Variants in PRDM15 observed in about 807,000 individuals in gnomAD.
PRDM15 encodes the protein PR domain zinc finger protein 15.
A neutral mutation model predicts 128.6 loss-of-function variants in PRDM15; 64 were observed. The observed-to-expected ratio is 0.50, with a 90% confidence interval of 0.41 to 0.61. PRDM15 has a LOEUF of 0.61. Ranked by LOEUF, PRDM15 falls within the 20% of genes least tolerant of loss-of-function variation. The pLI is 0.00. For missense variants in PRDM15, 1,242 were observed against 1,569.1 expected (o/e 0.79, Z 3.52); for synonymous variants, 615 against 621.8 (o/e 0.99, Z 0.16).
At position 41,862,092 on chromosome 21, in the gene PRDM15, A is replaced by G; in HGVS notation, c.-9-1720T>C. 1.0e-6 allele frequency: 1 copy of G among 963,538 alleles called. No individual in the cohort carries two copies. Among genetic ancestry groups the G allele is most frequent in the Non-Finnish European group, 1.6e-6 (1 of 609,886 alleles). The allele number at this position is 963,538 out of a possible 1,614,324, so 59.7% of individuals were successfully genotyped here. On this transcript the variant is annotated intron_variant, in intron 1 of 23. Transcript: ENST00000398548. This position sits in a 1 kb window ranked among gnomAD's most constrained non-coding sequence, Gnocchi z 4.1. Reference sequence around the variant, plus strand: ...AGTGAGCAGGAGATGAACAGGACAAAGGGCAGAAGAAACCCAGAGTGGGGT... The same window carrying G: ...AGTGAGCAGGAGATGAACAGGACAAGGGGCAGAAGAAACCCAGAGTGGGGT...
chr21:41,873,211 G>C (rs528572563), intron 1 of PRDM15, among the ~76,000 whole-genome samples: 1 of 152,262 alleles, frequency 6.6e-6, no homozygotes, highest in East Asian at 1.9e-4. Context: ...CCTGAGCCTC[G>C]TTGCTCCCCT....
chr21:41,810,301 G>A lies in PRDM15; in HGVS notation c.2505C>T (p.Cys835=), dbSNP rs143717672. ...TVGKQWTCSV[C]DKKYVTEYML... is the part of the protein sequence containing the mutation. ...TGTACTCGGTCACGTACTTCTTGTC[G>A]CACACGGAGCACGTCCACTGCTTGC... Residue 835 remains cysteine, a synonymous_variant, in exon 21 of 24, where the codon TGC becomes TGT. Coordinates refer to ENST00000398548, the MANE Select transcript of PRDM15 (RefSeq NM_001040424.3). This position sits in a 1 kb window ranked among gnomAD's most constrained non-coding sequence, Gnocchi z 6.4. 2.0e-5 allele frequency: 32 copies of A among 1,613,296 alleles called. No individual in the cohort carries two copies. Among genetic ancestry groups the A allele is most frequent in the African/African-American group, 1.5e-4 (11 of 75,016 alleles).
intron 19 of PRDM15, chr21:41,812,263 A>G (rs567013994): frequency 1.3e-5 from 2 of 152,326 alleles, no homozygotes; most frequent in South Asian, 4.1e-4. Flanking sequence ...AAACTCATAG[A>G]CAGAAAAACA....
intron 11 of PRDM15, among the ~76,000 whole-genome samples, chr21:41,829,276 T>C (rs1190502263): frequency 1.5e-5 from 2 of 132,520 alleles, no homozygotes; most frequent in African/African-American, 3.1e-5. Flanking sequence ...CACACACACA[T>C]GCCCCACACA....
At position 41,862,024 on chromosome 21, in the gene PRDM15, C is replaced by T. The variant is rs1412278243; in HGVS notation, c.-9-1652G>A. 9.4e-6 allele frequency: 15 copies of T among 1,598,478 alleles called. No homozygotes were observed. The highest frequency in any genetic ancestry group is 2.2e-5 in the East Asian group (1 of 44,744). ...CCCCAGTTCCTGTGGATGGGCACCT[C>T]GGCGCAAATAGGGACCAGTCTGGGA... On this transcript the variant is annotated intron_variant, in intron 1 of 23. Transcript: ENST00000398548. The surrounding 1 kb of genome is among the most constrained non-coding windows in gnomAD (Gnocchi z 4.1).
At chr21:41,835,708 G>A (rs1314709473) in intron 10 of PRDM15, among the ~76,000 whole-genome samples, 184 bp from the exon 11 acceptor site, 1 of 152,100 alleles carries the variant, frequency 6.6e-6, no homozygotes, top group African/African-American at 2.4e-5. Context: ...CCCTAGAAAG[G>A]GAACTCCACA....
intron 18 of PRDM15, among the ~76,000 whole-genome samples, chr21:41,818,239 C>A (rs1281286086): frequency 6.6e-6 from 1 of 152,226 alleles, no homozygotes; most frequent in Non-Finnish European, 1.5e-5. Context: ...GCCAGCCTGT[C>A]CCGCTAAGGC....
chr21:41,809,875 G>C (rs1037552804), intron 21 of PRDM15, among the ~76,000 whole-genome samples: 11 of 152,304 alleles, frequency 7.2e-5, no homozygotes, highest in Middle Eastern at 3.4e-3. Flanking sequence ...GGGAAGAATG[G>C]GGGGAGTGGC....
intron 12 of PRDM15, 143 bp from the exon 13 acceptor site, chr21:41,826,197 A>G (rs2062465539): frequency 1.6e-6 from 1 of 640,836 alleles, no homozygotes. Context: ...TGGCAGTTTA[A>G]GTAACATCAC....
At chr21:41,861,941 A>ATC (rs745634465) in intron 1 of PRDM15, 1 of 1,614,066 alleles carries the variant, frequency 6.2e-7, no homozygotes, top group African/African-American at 1.3e-5. Context: ...GTTCAAAGGT[A>ATC]TCTCGTGCGG....
At chr21:41,861,648 T>C in intron 1 of PRDM15, 1 of 1,614,124 alleles carries the variant, frequency 6.2e-7, no homozygotes, top group Non-Finnish European at 8.5e-7. Flanking sequence ...TCTTGAATGC[T>C]GATTCCACAC....
intron 2 of PRDM15, among the ~76,000 whole-genome samples, chr21:41,860,115 T>A (rs2063765511): frequency 6.6e-6 from 1 of 152,154 alleles, no homozygotes; most frequent in Admixed American, 6.5e-5. Context: ...CGGCCAGGAG[T>A]TCTGAGAAAG....
Position 41,862,694 on chromosome 21 carries a change from G to A in PRDM15, c.-9-2322C>T, listed in dbSNP as rs7276510. On this transcript the variant is annotated intron_variant, in intron 1 of 23. Coordinates refer to ENST00000398548, the MANE Select transcript of PRDM15 (RefSeq NM_001040424.3). This position sits in a 1 kb window ranked among gnomAD's most constrained non-coding sequence, Gnocchi z 4.1. ...ACAGCCACCCTGGGCTGCAGATCAGGCCTGATAAACGGAGCATCTTCAAAG... is the reference window on the plus strand; with the variant it reads ...ACAGCCACCCTGGGCTGCAGATCAGACCTGATAAACGGAGCATCTTCAAAG... Among the ~76,000 whole-genome samples, 13,798 of 152,246 alleles carry A rather than the reference G, an allele frequency of 0.091. 651 individuals carry two copies. The highest frequency in any genetic ancestry group is 0.2 in the South Asian group (977 of 4,820).
At chr21:41,840,755 T>C (rs1313828318) in intron 6 of PRDM15, among the ~76,000 whole-genome samples, 4 of 147,802 alleles carry the variant, frequency 2.7e-5, no homozygotes, top group African/African-American at 1.0e-4. Flanking sequence ...TGGGGGAAAA[T>C]ACATTTAAAT....
chr21:41,816,894 TAAAA>T (rs66937227), intron 18 of PRDM15, among the ~76,000 whole-genome samples: 1 of 149,468 alleles, frequency 6.7e-6, no homozygotes, highest in Non-Finnish European at 1.5e-5. Flanking sequence ...TCCTTTTGAT[TAAAA>T]AAAAAAAAAA....
At chr21:41,867,409 C>T (rs1353933993) in intron 1 of PRDM15, 2 of 1,481,044 alleles carry the variant, frequency 1.4e-6, no homozygotes, top group Admixed American at 1.7e-5. Flanking sequence ...CAAGCTGAGG[C>T]TCTACACACT....
chr21:41,873,438 A>G (rs893091855), intron 1 of PRDM15, among the ~76,000 whole-genome samples: 5 of 152,236 alleles, frequency 3.3e-5, no homozygotes, highest in Non-Finnish European at 5.9e-5. Context: ...GTCAGCTTCC[A>G]GCGTCGTGGC....
intron 11 of PRDM15, among the ~76,000 whole-genome samples, chr21:41,829,897 CA>C (rs1169978226): frequency 4.4e-4 from 67 of 150,660 alleles, no homozygotes; most frequent in African/African-American, 1.6e-3. Context: ...ACACCACACA[CA>C]AATATACATT....
At chr21:41,830,834 C>T (rs996482255) in intron 11 of PRDM15, among the ~76,000 whole-genome samples, 36 of 152,214 alleles carry the variant, frequency 2.4e-4, no homozygotes, top group African/African-American at 7.7e-4. Flanking sequence ...TTCGGCTCCG[C>T]CCAGGACACT....
Sources: gnomAD v4.1 joint callset for allele counts (sites outside exome capture counted in the v4.1 genomes callset) on GRCh38, gnomAD v4.1.1 for gene constraint, Gnocchi (gnomAD v3.1) non-coding constraint, MANE v1.5 for transcripts, NCBI Gene and HGNC (gene_info 2026-07-23, HGNC 2026-07-21) for gene names.